Variants in CSMD1 observed in about 807,000 individuals in gnomAD.
CSMD1 encodes the protein CUB and Sushi multiple domains 1.
In CSMD1, 213 loss-of-function variants were observed where a neutral mutation model predicts 417.5. The ratio of observed to expected loss-of-function variants is 0.51; its 90% confidence interval spans 0.46 to 0.57. CSMD1 has a LOEUF of 0.57. CSMD1 is among the 20% of genes least tolerant of loss of function. CSMD1 has a pLI of 0.00. For missense variants in CSMD1, 6,923 were observed against 4,529.7 expected, an observed-to-expected ratio of 1.53 and a Z score of -15.17; for synonymous variants, 2,862 against 1,736.8, an observed-to-expected ratio of 1.65 and a Z score of -16.11.
intron 33 of CSMD1, among the ~76,000 whole-genome samples, chr8:3,192,618 C>T (rs145922379): frequency 5.5e-4 from 83 of 152,222 alleles, no homozygotes; most frequent in Non-Finnish European, 1.0e-3. Context: ...TTTGGCACAA[C>T]GGAGAAGTCC....
intron 26 of CSMD1, among the ~76,000 whole-genome samples, chr8:3,251,629 CT>C (rs1159517367): frequency 2.0e-5 from 3 of 152,144 alleles, no homozygotes; most frequent in Admixed American, 6.5e-5. Context: ...ATGGGGATGG[CT>C]TTGAATCTAT....
At chr8:3,057,632 T>C (rs1285941393) in intron 49 of CSMD1, among the ~76,000 whole-genome samples, 1 of 152,198 alleles carries the variant, frequency 6.6e-6, no homozygotes, top group Non-Finnish European at 1.5e-5. Context: ...CAAACGTTAT[T>C]CGACTTTCTT....
intron 3 of CSMD1, among the ~76,000 whole-genome samples, chr8:4,111,378 A>G (rs1801846222): frequency 6.6e-6 from 1 of 152,226 alleles, no homozygotes; most frequent in South Asian, 2.1e-4. Context: ...ACACATGGAA[A>G]TAAACAGTAT....
At chr8:2,999,451 G>A (rs948975540) in intron 53 of CSMD1, among the ~76,000 whole-genome samples, 2 of 152,172 alleles carry the variant, frequency 1.3e-5, no homozygotes, top group African/African-American at 2.4e-5. Flanking sequence ...ACCACGCCTG[G>A]CCAATTTTAC....
intron 49 of CSMD1, among the ~76,000 whole-genome samples, chr8:3,053,647 T>A (rs1380161309): frequency 6.6e-6 from 1 of 152,018 alleles, no homozygotes; most frequent in Non-Finnish European, 1.5e-5. Flanking sequence ...AAAAACAAGA[T>A]TTGGGGAGAA....
intron 3 of CSMD1, among the ~76,000 whole-genome samples, chr8:4,093,308 C>T (rs922455053): frequency 3.9e-5 from 6 of 152,096 alleles, no homozygotes; most frequent in African/African-American, 7.2e-5. Context: ...TTTAAATAAA[C>T]CAGGTTTTAA....
intron 3 of CSMD1, among the ~76,000 whole-genome samples, chr8:4,223,609 T>C (rs1034465613): frequency 3.9e-5 from 6 of 152,202 alleles, no homozygotes; most frequent in Non-Finnish European, 7.3e-5. Flanking sequence ...TGATTGACCA[T>C]GGGAAAGAAT....
intron 5 of CSMD1, among the ~76,000 whole-genome samples, chr8:3,793,804 C>T (rs907685881): frequency 3.9e-5 from 6 of 152,244 alleles, no homozygotes; most frequent in Non-Finnish European, 7.4e-5. Context: ...TCCTTTTATG[C>T]CCCAGGGCAC....
At chr8:4,727,324 AC>A (rs1768488310) in intron 1 of CSMD1, among the ~76,000 whole-genome samples, 1 of 152,154 alleles carries the variant, frequency 6.6e-6, no homozygotes, top group South Asian at 2.1e-4. Context: ...TGTTTGAGAA[AC>A]CCATGAACAA....
intron 2 of CSMD1, among the ~76,000 whole-genome samples, chr8:4,458,019 C>G (rs78338715): frequency 6.6e-6 from 1 of 152,102 alleles, no homozygotes; most frequent in Non-Finnish European, 1.5e-5. Flanking sequence ...TCCCTATATC[C>G]GGTATTCCTC....
intron 2 of CSMD1, among the ~76,000 whole-genome samples, chr8:4,442,505 G>A (rs927970093): frequency 6.6e-6 from 1 of 152,106 alleles, no homozygotes; most frequent in Non-Finnish European, 1.5e-5. Context: ...TATAAAAGAT[G>A]TTATTCCTTA....
intron 10 of CSMD1, among the ~76,000 whole-genome samples, chr8:3,523,642 C>T (rs555164261): frequency 3.3e-5 from 5 of 151,190 alleles, no homozygotes; most frequent in South Asian, 2.1e-4. Flanking sequence ...GAGACACGTG[C>T]ACACACAGGC....
chr8:4,810,915 C>A (rs773423106), intron 1 of CSMD1, among the ~76,000 whole-genome samples: 1 of 152,106 alleles, frequency 6.6e-6, no homozygotes, highest in African/African-American at 2.4e-5. Context: ...ACTGCTACCT[C>A]TCCTGAAATA....
intron 23 of CSMD1, among the ~76,000 whole-genome samples, chr8:3,341,588 C>T (rs1244219812): frequency 6.6e-6 from 1 of 152,138 alleles, no homozygotes; most frequent in Non-Finnish European, 1.5e-5. Context: ...TCGCAAATTG[C>T]AGCAGTGTTG....
chr8:4,982,039 A>C (rs1810918354), intron 1 of CSMD1, among the ~76,000 whole-genome samples: 1 of 152,138 alleles, frequency 6.6e-6, no homozygotes, highest in African/African-American at 2.4e-5. Context: ...ACTGCAAGGA[A>C]CTGAATTCTG....
At chr8:4,249,108 C>G (rs189936979) in intron 3 of CSMD1, among the ~76,000 whole-genome samples, 70 of 152,300 alleles carry the variant, frequency 4.6e-4, no homozygotes, top group African/African-American at 1.5e-3. Flanking sequence ...ACTTCTCAAC[C>G]TTTCCCCAGT....
intron 3 of CSMD1, among the ~76,000 whole-genome samples, chr8:4,146,673 G>A (rs1299523311): frequency 7.8e-6 from 1 of 128,226 alleles, no homozygotes; most frequent in African/African-American, 3.1e-5. Context: ...GCGCAGTGGT[G>A]TGATCTGGAC....
intron 3 of CSMD1, among the ~76,000 whole-genome samples, chr8:4,333,519 A>G (rs954571584): frequency 1.3e-5 from 2 of 152,202 alleles, no homozygotes; most frequent in African/African-American, 2.4e-5. Flanking sequence ...CTCATTTCAT[A>G]AAGTGCTTAA....
chr8:3,803,239 A>T (rs1322277926), intron 5 of CSMD1, among the ~76,000 whole-genome samples: 2 of 152,160 alleles, frequency 1.3e-5, no homozygotes, highest in African/African-American at 4.8e-5. Context: ...CCCCATTCTG[A>T]CTGCTTGGCA....
Sources: gnomAD v4.1 joint callset for allele counts (sites outside exome capture counted in the v4.1 genomes callset) on GRCh38, gnomAD v4.1.1 for gene constraint, MANE v1.5 for transcripts, NCBI Gene and HGNC (gene_info 2026-07-23, HGNC 2026-07-21) for gene names.